FMN2: variants seen among roughly 807,000 people sequenced by gnomAD.
FMN2 encodes the protein formin-2.
Under a neutral mutation model 142.3 loss-of-function variants are expected in FMN2, and 51 were observed. The ratio of observed to expected loss-of-function variants is 0.36; its 90% CI spans 0.29 to 0.45. The LOEUF (loss-of-function observed/expected upper bound fraction) is 0.45. FMN2 is among the 20% of genes least tolerant of loss of function. The pLI is 1.00. For synonymous variants in FMN2, 882 were observed against 869.8 expected (o/e 1.01, Z -0.25); for missense variants, 1,936 against 2,122.8 (o/e 0.91, Z 1.73).
intron 4 of FMN2, 80 bp from the exon 5 acceptor site, chr1:240,206,719 A>G (rs1486639554): frequency 2.0e-6 from 3 of 1,463,794 alleles, no homozygotes; most frequent in Admixed American, 2.3e-5. Flanking sequence ...CAACAAACAG[A>G]TATAATTTTG....
chr1:240,229,041 G>A (rs928065855), intron 6 of FMN2, among the ~76,000 whole-genome samples: 3 of 151,346 alleles, frequency 2.0e-5, no homozygotes, highest in South Asian at 4.2e-4. Flanking sequence ...GGTGACTTTC[G>A]GACACAGTCA....
At chr1:240,245,990 C>A (rs1408427105) in intron 6 of FMN2, among the ~76,000 whole-genome samples, 1 of 151,886 alleles carries the variant, frequency 6.6e-6, no homozygotes, top group East Asian at 2.0e-4. Context: ...ACCATCCTGG[C>A]TAACATGGTG....
In FMN2 at chr1:240,200,111, A is replaced by G. The variant is rs1215001639; in HGVS notation, c.1987-6688A>G. On this transcript the variant is annotated intron_variant, in intron 4 of 17. Transcript: ENST00000319653. ...CAAGATTAAGTTCCAGGCGCTGGAC[A>G]CAGAGGAACAGGCTCCTAACTGGAG... 5.3e-5 allele frequency among the ~76,000 whole-genome samples: 8 copies of G among 152,268 alleles called. No homozygotes were observed. In the East Asian group the frequency reaches 1.5e-3, roughly 29 times the overall value.
At chr1:240,324,666 C>T (rs184986824) in intron 8 of FMN2, among the ~76,000 whole-genome samples, 1 of 115,494 alleles carries the variant, frequency 8.7e-6, no homozygotes, top group East Asian at 2.8e-4. Context: ...GAGACCCTGT[C>T]GAAAGAAGGA....
chr1:240,402,363 C>A (rs948039490), intron 15 of FMN2, among the ~76,000 whole-genome samples: 1 of 152,184 alleles, frequency 6.6e-6, no homozygotes, highest in Non-Finnish European at 1.5e-5. Context: ...GAAAGTGGAA[C>A]TTTGAGCTCC....
At chr1:240,365,833 C>T (rs532501100) in intron 14 of FMN2, among the ~76,000 whole-genome samples, 1 of 152,266 alleles carries the variant, frequency 6.6e-6, no homozygotes, top group South Asian at 2.1e-4. Context: ...TTACTCATGC[C>T]TTAATGAACT....
chr1:240,423,551 A>T lies in FMN2; in HGVS notation c.4911-14510A>T, dbSNP rs138988163. 3.3e-3 allele frequency among the ~76,000 whole-genome samples: 497 copies of T among 152,320 alleles called. 4 individuals are homozygous for T. The highest frequency in any genetic ancestry group is 2.8e-3 in the Non-Finnish European group (193 of 68,032). The stretch of plus-strand genomic sequence containing the variant: ...GGATTAAATTAAGTTATACATGTGC[A>T]ATTCTCATTCTGCCTGTAAAGTCTC... On this transcript the variant is annotated intron_variant, in intron 15 of 17. Transcript: ENST00000319653.
At chr1:240,369,188 G>GT (rs1267137666) in intron 14 of FMN2, among the ~76,000 whole-genome samples, 1 of 151,970 alleles carries the variant, frequency 6.6e-6, no homozygotes, top group Non-Finnish European at 1.5e-5. Flanking sequence ...AGGCATGCAA[G>GT]TTTTTTGGTT....
rs1553363142 is a variant in FMN2 at position 240,325,359 on chromosome 1, A to AAAG, written c.4216-3716_4216-3715insAGA. On this transcript the variant is annotated intron_variant, in intron 8 of 17. Transcript: ENST00000319653. ...CCCTGTCTCCAAAAAAAAAAAAAAA[A>AAAG]AGAGAAGGATAAGGAAGGCTTCATT... Among the ~76,000 whole-genome samples, 3 of 151,678 alleles carry AAAG rather than the reference A, an allele frequency of 2.0e-5. 1 individual carries two copies. Among genetic ancestry groups the AAAG allele is most frequent in the Non-Finnish European group, 4.4e-5 (3 of 67,908 alleles).
At chr1:240,377,021 A>G (rs141298813) in intron 14 of FMN2, among the ~76,000 whole-genome samples, 179 of 152,278 alleles carry the variant, frequency 1.2e-3, no homozygotes, top group African/African-American at 3.9e-3. Flanking sequence ...TATAACCAAA[A>G]CAATATATTG....
intron 2 of FMN2, among the ~76,000 whole-genome samples, chr1:240,157,578 G>GGGGAGAAAAGGAAGTAATGAAGT (rs1337396851): frequency 1.3e-5 from 2 of 152,010 alleles, no homozygotes. Context: ...AAGGAAGGAA[G>GGGGAGAAAAGGAAGTAATGAAGT]GGGAGAAAAG....
intron 14 of FMN2, among the ~76,000 whole-genome samples, chr1:240,361,960 T>C (rs1461149767): frequency 2.0e-5 from 3 of 152,018 alleles, no homozygotes; most frequent in African/African-American, 7.2e-5. Context: ...TTGGGAAGAG[T>C]TTCAGAAAAG....
chr1:240,418,628 A>G (rs1291366812), intron 15 of FMN2, among the ~76,000 whole-genome samples: 1 of 152,240 alleles, frequency 6.6e-6, no homozygotes, highest in East Asian at 1.9e-4. Context: ...TGTCTGCATA[A>G]GAATAATTCT....
Position 240,252,204 on chromosome 1 carries a change from C to T in FMN2, c.4066-5741C>T, listed in dbSNP as rs142125934. Among the ~76,000 whole-genome samples the T allele has an allele frequency of 6.4e-3, 977 of 152,262 alleles. 4 individuals carry two copies. The highest frequency in any genetic ancestry group is 0.022 in the African/African-American group (906 of 41,554). On this transcript the variant is annotated intron_variant, in intron 6 of 17. Transcript: ENST00000319653. ...GATTACAGGTGTGAGCCACTATTTC[C>T]GGCCTCCTTAACTGATTTCTGATTG...
intron 1 of FMN2, among the ~76,000 whole-genome samples, chr1:240,119,448 G>C (rs918687078): frequency 2.0e-5 from 3 of 152,160 alleles, no homozygotes; most frequent in Admixed American, 2.0e-4. Flanking sequence ...GTTAGGCCTG[G>C]GGTTCTCAGC....
chr1:240,172,404 T>G (rs1664743725), intron 2 of FMN2, among the ~76,000 whole-genome samples: 1 of 152,192 alleles, frequency 6.6e-6, no homozygotes, highest in South Asian at 2.1e-4. Context: ...AGATAATGAT[T>G]TTCAATTCCT....
chr1:240,110,537 T>A (rs138053046), intron 1 of FMN2, among the ~76,000 whole-genome samples: 1,542 of 152,306 alleles, frequency 0.01, 7 homozygotes, highest in Admixed American at 0.018. Context: ...AATAAAAACT[T>A]ACCCCCTAAC....
chr1:240,091,969 C>G lies in FMN2; in HGVS notation c.-141C>G. 2 of 1,327,992 alleles carry G rather than the reference C, an allele frequency of 1.5e-6. No homozygotes were observed. Among genetic ancestry groups the G allele is most frequent in the Non-Finnish European group, 1.9e-6 (2 of 1,030,786 alleles). The allele number at this position is 1,327,992 out of a possible 1,614,324, so 82.3% of individuals were successfully genotyped here. A position where few individuals can be genotyped will look rare whatever the true frequency, so the allele number is the denominator to read the frequency against. On this transcript the variant is annotated 5_prime_UTR_variant, in exon 1 of 18. Coordinates refer to ENST00000319653, the MANE Select transcript of FMN2 (RefSeq NM_020066.5). The stretch of plus-strand genomic sequence containing the variant: ...AGATGCGAGCGGGGCCAGCCGGGCG[C>G]GCGTCGGCCTCCCCTCCCAGCGGCT...
At chr1:240,298,490 G>A (rs1281963925) in intron 8 of FMN2, among the ~76,000 whole-genome samples, 2 of 152,120 alleles carry the variant, frequency 1.3e-5, no homozygotes, top group Admixed American at 6.5e-5. Flanking sequence ...CAACCCTCAG[G>A]CCAAGGACCA....
Sources: allele counts gnomAD v4.1 joint callset (sites outside exome capture counted in the v4.1 genomes callset), GRCh38; gene constraint gnomAD v4.1.1; transcripts MANE v1.5; gene names NCBI Gene and HGNC (gene_info 2026-07-23, HGNC 2026-07-21).